CLECL1: variants seen among roughly 807,000 people sequenced by gnomAD.
CLECL1 encodes C-type lectin-like domain family 1.
intron 1 of CLECL1, among the ~76,000 whole-genome samples, chr12:9,732,633 C>A (rs1337279018): frequency 6.6e-6 from 1 of 152,118 alleles, no homozygotes; most frequent in Non-Finnish European, 1.5e-5. Context: ...TGAGAGTGAG[C>A]AAAGCTGTGG....
chr12:9,732,374 G>T (rs1253950066), intron 1 of CLECL1, among the ~76,000 whole-genome samples: 1 of 152,172 alleles, frequency 6.6e-6, no homozygotes, highest in Admixed American at 6.5e-5. Flanking sequence ...TTTTGAGGGG[G>T]TTTGGTGATG....
At chr12:9,717,796 G>GT (rs922723412), downstream of CLECL1, among the ~76,000 whole-genome samples, 36 of 152,130 alleles carry the variant, frequency 2.4e-4, no homozygotes, top group African/African-American at 8.4e-4. Flanking sequence ...TAGCTTTACA[G>GT]TAAGACCTGA....
chr12:9,724,210 GA>G (rs1422432203), intron 3 of CLECL1, among the ~76,000 whole-genome samples: 4 of 146,050 alleles, frequency 2.7e-5, no homozygotes, highest in Non-Finnish European at 6.0e-5. Flanking sequence ...AAAAGAAAAA[GA>G]AAAAAAAAGA....
At chr12:9,716,975 G>A (rs1323262037) in intron 2 of CLECL1, among the ~76,000 whole-genome samples, 1 of 152,168 alleles carries the variant, frequency 6.6e-6, no homozygotes, top group Non-Finnish European at 1.5e-5. Context: ...CTCCAGCAGG[G>A]TCTGAATCCT....
the CLECL1 span, among the ~76,000 whole-genome samples, chr12:9,710,268 G>T: frequency 2.6e-5 from 4 of 152,038 alleles, no homozygotes; most frequent in African/African-American, 9.7e-5. Context: ...CAAATGTTCA[G>T]GCAACCAGAG....
chr12:9,733,502 G>T (rs1250308094), upstream of CLECL1, among the ~76,000 whole-genome samples: 1 of 152,036 alleles, frequency 6.6e-6, no homozygotes, highest in Non-Finnish European at 1.5e-5. Flanking sequence ...TACAGAAAGG[G>T]GCCCTATGTC....
chr12:9,722,529 T>A, downstream of CLECL1: 1 of 1,440,536 alleles, frequency 6.9e-7, no homozygotes, highest in Non-Finnish European at 9.1e-7. Flanking sequence ...AATATTTGTA[T>A]AGTTAATAAC....
downstream of CLECL1, chr12:9,722,598 A>G: frequency 6.5e-7 from 1 of 1,545,458 alleles, no homozygotes; most frequent in South Asian, 1.3e-5. Context: ...CAAAAAATTC[A>G]CTGCCAGTGT....
At chr12:9,718,867 C>A (rs1866270990), downstream of CLECL1, 2 of 620,476 alleles carry the variant, frequency 3.2e-6, no homozygotes, top group Admixed American at 2.7e-5. Context: ...AAATAAGTTT[C>A]TGTTGCTTTA....
chr12:9,729,463 C>T (rs1444978081), intron 2 of CLECL1, among the ~76,000 whole-genome samples: 3 of 152,040 alleles, frequency 2.0e-5, no homozygotes, highest in African/African-American at 4.8e-5. Context: ...AGTTGTGTAT[C>T]AAATTTTACA....
At chr12:9,714,658 A>T (rs1352542925), downstream of CLECL1, among the ~76,000 whole-genome samples, 2 of 152,190 alleles carry the variant, frequency 1.3e-5, no homozygotes, top group Admixed American at 1.3e-4. Context: ...CTGTCTAATA[A>T]TTGAGACTTT....
chr12:9,718,746 AT>A (rs1429086741), downstream of CLECL1: 2 of 701,238 alleles, frequency 2.9e-6, no homozygotes, highest in Non-Finnish European at 5.2e-6. Flanking sequence ...AAGAAATGCC[AT>A]TTGAAGGTAC....
intron 3 of CLECL1, among the ~76,000 whole-genome samples, chr12:9,727,197 T>C (rs1866390195): frequency 6.6e-6 from 1 of 151,722 alleles, no homozygotes; most frequent in African/African-American, 2.4e-5. Flanking sequence ...TTTTTAAATA[T>C]GTAATAACGT....
chr12:9,715,990 A>G (rs1228578335), exon 3 of CLECL1: 1 of 152,190 alleles, frequency 6.6e-6, no homozygotes, highest in South Asian at 2.1e-4. Context: ...CCTGCCCACA[A>G]ATTGCCTTGT....
At chr12:9,702,719 ATAAC>A in the CLECL1 span, among the ~76,000 whole-genome samples, 26 of 152,344 alleles carry the variant, frequency 1.7e-4, no homozygotes, top group East Asian at 4.0e-3. Context: ...CTTATGTAAA[ATAAC>A]TAACTTTCCT....
At chr12:9,704,807 A>G in the CLECL1 span, among the ~76,000 whole-genome samples, 2 of 152,144 alleles carry the variant, frequency 1.3e-5, no homozygotes, top group Non-Finnish European at 2.9e-5. Context: ...TATCCAGTCT[A>G]TCGTTGATGG....
the CLECL1 span, among the ~76,000 whole-genome samples, chr12:9,707,277 A>C: frequency 5.0e-4 from 76 of 152,354 alleles, no homozygotes; most frequent in Non-Finnish European, 8.1e-4. Flanking sequence ...AAGTTCTGGC[A>C]AATCTCACCA....
chr12:9,704,232 AAGG>A, the CLECL1 span: 2 of 152,192 alleles, frequency 1.3e-5, no homozygotes, highest in African/African-American at 2.4e-5. Context: ...TTAATTGCAC[AAGG>A]AGAACTTCCA....
At chr12:9,727,231 A>T (rs948365720) in intron 3 of CLECL1, among the ~76,000 whole-genome samples, 50 of 151,942 alleles carry the variant, frequency 3.3e-4, no homozygotes, top group African/African-American at 1.2e-3. Context: ...AACCATCTGC[A>T]ATGACCATGA....
Sources: gnomAD v4.1 joint callset for allele counts (sites outside exome capture counted in the v4.1 genomes callset) on GRCh38, gnomAD v4.1.1 for gene constraint, MANE v1.5 for transcripts, NCBI Gene and HGNC (gene_info 2026-07-23, HGNC 2026-07-21) for gene names.